SLIT2: variants seen among roughly 807,000 people sequenced by gnomAD.
The protein encoded by SLIT2 is slit homolog 2 protein.
Under a neutral mutation model 185.7 loss-of-function variants are expected in SLIT2, and 41 were observed. The ratio of observed to expected loss-of-function variants is 0.22; its 90% CI spans 0.17 to 0.29. SLIT2 has a LOEUF of 0.29. Among genes scored for constraint, SLIT2 ranks in the 10% least tolerant of loss-of-function variants. The pLI is 1.00. For missense variants in SLIT2, 1,571 were observed against 1,909.0 expected (o/e 0.82, Z 3.30); for synonymous variants, 693 against 680.2 (o/e 1.02, Z -0.29).
chr4:20,303,174 C>G (rs996725109), intron 4 of SLIT2, among the ~76,000 whole-genome samples: 1 of 152,166 alleles, frequency 6.6e-6, no homozygotes, highest in African/African-American at 2.4e-5. Flanking sequence ...CAGGTTCACT[C>G]TTTGGATTCT....
chr4:20,533,692 G>A lies in SLIT2; in HGVS notation c.1809G>A (p.Lys603=). 6.2e-7 allele frequency: 1 copy of A among 1,612,394 alleles called. No individual in the cohort carries two copies. Among genetic ancestry groups the A allele is most frequent in the Non-Finnish European group, 8.5e-7 (1 of 1,179,570 alleles). Residue 603 remains lysine, a synonymous_variant, in exon 18 of 37, where the codon AAG becomes AAA. Coordinates refer to ENST00000504154, the MANE Select transcript of SLIT2 (RefSeq NM_004787.4). ...AAAATGTGCAGCATAAGATGTTCAA[G>A]GGATTGGAAAGCCTCAAAACTTTGT... ...RLENVQHKMF[K]GLESLKTLML... is the part of the protein sequence containing the mutation.
At chr4:20,438,439 C>G (rs943910522) in intron 4 of SLIT2, among the ~76,000 whole-genome samples, 1 of 152,120 alleles carries the variant, frequency 6.6e-6, no homozygotes, top group Non-Finnish European at 1.5e-5. Context: ...TTTTTAAAAC[C>G]ATCAGATCTC....
At chr4:20,387,328 A>G (rs1371234581) in intron 4 of SLIT2, among the ~76,000 whole-genome samples, 2 of 152,138 alleles carry the variant, frequency 1.3e-5, no homozygotes, top group Admixed American at 6.6e-5. Context: ...TATTTATTAA[A>G]TTATTTAGAA....
chr4:20,550,897 C>T lies in SLIT2; in HGVS notation c.2560C>T (p.Leu854=). 1 of 1,566,330 alleles carries T rather than the reference C, an allele frequency of 6.4e-7. No individual in the cohort carries two copies. Among genetic ancestry groups the T allele is most frequent in the African/African-American group, 1.3e-5 (1 of 74,118 alleles). The change falls in exon 25 of 37, where the codon CTA becomes TTA. Residue 854 remains leucine, a splice_region_variant and synonymous_variant. Transcript: ENST00000504154. ...CAATGATCTTTCTGCATTATCACAT[C>T]TGTGAGTACCTAGTTTATGAATATA... ...AFNDLSALSH[L]AIGANPLYCD... is the part of the protein sequence containing the mutation.
chr4:20,510,237 C>T (rs1371384132), intron 9 of SLIT2, among the ~76,000 whole-genome samples: 1 of 151,944 alleles, frequency 6.6e-6, no homozygotes, highest in Non-Finnish European at 1.5e-5. Flanking sequence ...TGTACAAAGT[C>T]CAGACTTAAA....
chr4:20,293,940 TC>T (rs1376150112), intron 4 of SLIT2, among the ~76,000 whole-genome samples: 1 of 152,082 alleles, frequency 6.6e-6, no homozygotes, highest in African/African-American at 2.4e-5. Flanking sequence ...TTTTTTTTTT[TC>T]TACCATTTCA....
At position 20,414,486 on chromosome 4, in the gene SLIT2, C is replaced by T. The variant is rs183225283; in HGVS notation, c.396-53266C>T. Among the ~76,000 whole-genome samples the T allele has an allele frequency of 1.9e-3, 286 of 152,210 alleles. 1 individual carries two copies. The highest frequency in any genetic ancestry group is 1.2e-3 in the South Asian group (6 of 4,818). ...GTGATTTGAATTACCCTCTAGTGTCCTTTTATTTCAGCCTGAATGACTCCT... is the reference window on the plus strand; with the variant it reads ...GTGATTTGAATTACCCTCTAGTGTCTTTTTATTTCAGCCTGAATGACTCCT... On this transcript the variant is annotated intron_variant, in intron 4 of 36. Transcript: ENST00000504154.
chr4:20,259,433 A>G (rs946600857), intron 3 of SLIT2, among the ~76,000 whole-genome samples: 2 of 151,764 alleles, frequency 1.3e-5, no homozygotes, highest in African/African-American at 2.4e-5. Flanking sequence ...ACCACAGGAA[A>G]GTATCTTGAG....
chr4:20,344,149 CA>C (rs1378580645), intron 4 of SLIT2, among the ~76,000 whole-genome samples: 1 of 152,144 alleles, frequency 6.6e-6, no homozygotes, highest in Non-Finnish European at 1.5e-5. Flanking sequence ...CGCCCGGCCA[CA>C]AAGTATCCTT....
At chr4:20,277,585 C>T (rs1714291404) in intron 4 of SLIT2, among the ~76,000 whole-genome samples, 1 of 151,352 alleles carries the variant, frequency 6.6e-6, no homozygotes, top group South Asian at 2.1e-4. Context: ...AAACATTTTG[C>T]ATCTGTTAAA....
rs374348534 is a variant in SLIT2 at position 20,290,588 on chromosome 4, G to A, written c.395+21707G>A. 1.5e-3 allele frequency among the ~76,000 whole-genome samples: 233 copies of A among 152,254 alleles called. 1 individual carries two copies. The highest frequency in any genetic ancestry group is 4.3e-3 in the Admixed American group (66 of 15,294). Reference sequence around the variant, plus strand: ...TGGATACCAAGGGACGACTATATGTGTGTATTTGTGTGATTACTTATGAAT... The same window carrying A: ...TGGATACCAAGGGACGACTATATGTATGTATTTGTGTGATTACTTATGAAT... On this transcript the variant is annotated intron_variant, in intron 4 of 36. Transcript: ENST00000504154.
chr4:20,557,764 A>G (rs1057041626), intron 26 of SLIT2, among the ~76,000 whole-genome samples: 7 of 152,084 alleles, frequency 4.6e-5, no homozygotes, highest in Admixed American at 2.0e-4. Context: ...GTAAATTGAA[A>G]TCCTTCTGGA....
chr4:20,510,687 ACTGT>A (rs1719621160), intron 10 of SLIT2, 121 bp downstream of exon 10: 8 of 617,900 alleles, frequency 1.3e-5, no homozygotes, highest in Admixed American at 5.5e-5. Flanking sequence ...AAGTGATGTG[ACTGT>A]CTGATTACTA....
intron 21 of SLIT2, among the ~76,000 whole-genome samples, 186 bp downstream of exon 21, chr4:20,542,812 C>CTGTGTGTGTGTGTG (rs753747459): frequency 9.0e-6 from 1 of 111,052 alleles, no homozygotes; most frequent in East Asian, 2.9e-4. Context: ...TTGGGAATTG[C>CTGTGTGTGTGTGTG]TGTGTGTGTG....
chr4:20,548,573 T>C lies in SLIT2; in HGVS notation c.2417+14T>C. 1 of 1,525,596 alleles carries C rather than the reference T, an allele frequency of 6.6e-7. No individual in the cohort carries two copies. The highest frequency in any genetic ancestry group is 9.1e-7 in the Non-Finnish European group (1 of 1,099,940). The allele number at this position is 1,525,596 out of a possible 1,614,324, so 94.5% of individuals were successfully genotyped here. ...GCTCCTCACCTTGTGAGTGTGAAAG[T>C]GTGGTACTGAGTATTCATTAATTCA... On this transcript the variant is annotated intron_variant, in intron 23 of 36. Coordinates refer to ENST00000504154, the MANE Select transcript of SLIT2 (RefSeq NM_004787.4).
At chr4:20,525,620 GA>G (rs1419676076) in intron 15 of SLIT2, among the ~76,000 whole-genome samples, 1 of 152,038 alleles carries the variant, frequency 6.6e-6, no homozygotes, top group African/African-American at 2.4e-5. Flanking sequence ...TTTCAATCAT[GA>G]AAATTACTTT....
intron 4 of SLIT2, among the ~76,000 whole-genome samples, chr4:20,275,735 C>G (rs1340443833): frequency 6.6e-6 from 1 of 152,018 alleles, no homozygotes; most frequent in African/African-American, 2.4e-5. Context: ...TCATGCTCTC[C>G]CAGTTGATGA....
At chr4:20,589,296 G>A (rs1727313254) in intron 29 of SLIT2, among the ~76,000 whole-genome samples, 1 of 151,786 alleles carries the variant, frequency 6.6e-6, no homozygotes, top group Non-Finnish European at 1.5e-5. Flanking sequence ...TCATCCTTTG[G>A]GTCTATGCTA....
rs540052874 is a variant in SLIT2, at chr4:20,268,762, T to A, written c.324-48T>A. On this transcript the variant is annotated intron_variant, in intron 3 of 36. Transcript: ENST00000504154. ...ACACTACCAAATCACAGTCTCATTG[T>A]TGGGTATTTTCTATGTAACATAAGC... is the stretch of plus-strand genomic sequence containing the variant. 9.6e-6 allele frequency: 11 copies of A among 1,139,986 alleles called. No individual in the cohort carries two copies. The South Asian group carries it at 1.4e-4, about 14-fold the overall frequency. The allele number at this position is 1,139,986 out of a possible 1,614,324, so 70.6% of individuals were successfully genotyped here. A position where few individuals can be genotyped will look rare whatever the true frequency, so the allele number is the denominator to read the frequency against.
Sources: gnomAD v4.1 joint callset for allele counts (sites outside exome capture counted in the v4.1 genomes callset) on GRCh38, gnomAD v4.1.1 for gene constraint, MANE v1.5 for transcripts, NCBI Gene and HGNC (gene_info 2026-07-23, HGNC 2026-07-21) for gene names.